RNF144A: variants seen among roughly 807,000 people sequenced by gnomAD.
The protein encoded by RNF144A is ring finger protein 144A, also known as E3 ubiquitin-protein ligase RNF144A.
Under a neutral mutation model 38.7 loss-of-function variants are expected in RNF144A, and 11 were observed. The ratio of observed to expected loss-of-function variants is 0.28; its 90% CI spans 0.18 to 0.47. The LOEUF (loss-of-function observed/expected upper bound fraction) is 0.47. Among genes scored for constraint, RNF144A ranks in the 20% least tolerant of loss-of-function variants. The probability of loss-of-function intolerance (pLI) is 0.99; values close to 1 mark genes in which losing one functional copy is unlikely to be tolerated. For synonymous variants in RNF144A, 149 were observed against 143.9 expected (o/e 1.04, Z -0.25); for missense variants, 316 against 377.2 (o/e 0.84, Z 1.34).
chr2:7,061,879 A>T (rs1188305732), intron 6 of RNF144A, among the ~76,000 whole-genome samples: 1 of 152,252 alleles, frequency 6.6e-6, no homozygotes, highest in Admixed American at 6.5e-5. Context: ...TGTAAATAAT[A>T]TATGAGAGCA....
chr2:7,046,036 T>G (rs1673296184), downstream of RNF144A, among the ~76,000 whole-genome samples: 1 of 152,218 alleles, frequency 6.6e-6, no homozygotes, highest in Non-Finnish European at 1.5e-5. Flanking sequence ...TTATCAACTC[T>G]TAGAGGAACC....
intron 7 of RNF144A, among the ~76,000 whole-genome samples, chr2:7,029,065 A>G (rs391109): frequency 0.68 from 103,406 of 152,008 alleles, 36,049 homozygotes; most frequent in South Asian, 0.88. Context: ...ATTGAAAGGA[A>G]CAGAAGGCCA....
At chr2:6,994,013 G>A (rs771272) in intron 2 of RNF144A, among the ~76,000 whole-genome samples, 83,234 of 152,082 alleles carry the variant, frequency 0.55, 23,766 homozygotes, top group East Asian at 0.71. Context: ...AACAAAAATT[G>A]AGTTCACAGA....
At chr2:7,029,892 C>T (rs897635498) in intron 7 of RNF144A, among the ~76,000 whole-genome samples, 5 of 152,220 alleles carry the variant, frequency 3.3e-5, no homozygotes, top group South Asian at 2.1e-4. Flanking sequence ...CTCTAGAGCC[C>T]GAGGCTGTGC....
At chr2:6,938,982 A>T (rs1006898362) in intron 1 of RNF144A, among the ~76,000 whole-genome samples, 1 of 151,842 alleles carries the variant, frequency 6.6e-6, no homozygotes, top group South Asian at 2.1e-4. Flanking sequence ...GACATTCACT[A>T]GTTGATGGAC....
downstream of RNF144A, chr2:7,044,265 A>AT: frequency 1.2e-6 from 1 of 849,442 alleles, no homozygotes; most frequent in Non-Finnish European, 1.4e-6. Flanking sequence ...TTCAATATTT[A>AT]ATCTATTGAA....
At chr2:7,045,521 G>A (rs971690469), downstream of RNF144A, among the ~76,000 whole-genome samples, 3 of 152,140 alleles carry the variant, frequency 2.0e-5, no homozygotes, top group East Asian at 1.9e-4. Flanking sequence ...AGGTTCCCAC[G>A]GCGTTCTCCC....
rs1667398511 is a variant in RNF144A at position 6,962,342 on chromosome 2, T to C, written c.-12+21195T>C. On this transcript the variant is annotated intron_variant, in intron 2 of 8. Transcript: ENST00000320892. This position sits in a 1 kb window ranked among gnomAD's most constrained non-coding sequence, Gnocchi z 4.1. ...GAAGATGGAGCCTCCATGTTGGACA[T>C]GCCCGGCCCCCAGGTCACCCTTTTC... Among the ~76,000 whole-genome samples, 1 of 152,222 alleles carries C rather than the reference T, an allele frequency of 6.6e-6. No homozygotes were observed. The highest frequency in any genetic ancestry group is 2.4e-5 in the African/African-American group (1 of 41,458).
chr2:6,988,823 T>C (rs1469205042), intron 2 of RNF144A, among the ~76,000 whole-genome samples: 1 of 152,246 alleles, frequency 6.6e-6, no homozygotes, highest in Non-Finnish European at 1.5e-5. Context: ...TGTGGAATTT[T>C]TCTGCATGAG....
intron 6 of RNF144A, among the ~76,000 whole-genome samples, chr2:7,065,808 A>G (rs1382663460): frequency 6.6e-6 from 1 of 152,254 alleles, no homozygotes; most frequent in Non-Finnish European, 1.5e-5. Context: ...TTCTTCTTCA[A>G]AGATATTCAT....
chr2:7,013,272 A>G (rs543698794), intron 3 of RNF144A, among the ~76,000 whole-genome samples: 1 of 152,312 alleles, frequency 6.6e-6, no homozygotes, highest in African/African-American at 2.4e-5. Context: ...GAAAATAAGG[A>G]TGGTAGAGAG....
chr2:6,956,458 T>C (rs923304095), intron 2 of RNF144A, among the ~76,000 whole-genome samples: 7 of 152,180 alleles, frequency 4.6e-5, no homozygotes, highest in Non-Finnish European at 5.9e-5. Context: ...TTTCTGTAGG[T>C]TGTTGCATAG....
At chr2:6,990,089 G>A (rs767491905) in intron 2 of RNF144A, among the ~76,000 whole-genome samples, 2 of 152,102 alleles carry the variant, frequency 1.3e-5, no homozygotes, top group African/African-American at 4.8e-5. Context: ...GTCAGTTGGG[G>A]CTGCTGTAAC....
At chr2:6,938,612 T>G (rs917929552) in intron 1 of RNF144A, among the ~76,000 whole-genome samples, 1 of 152,210 alleles carries the variant, frequency 6.6e-6, no homozygotes, top group Admixed American at 6.5e-5. Flanking sequence ...GTCATCGTTT[T>G]AAAGTACACC....
chr2:6,990,318 G>A (rs1298621064), intron 2 of RNF144A, among the ~76,000 whole-genome samples: 1 of 149,474 alleles, frequency 6.7e-6, no homozygotes, highest in Non-Finnish European at 1.5e-5. Context: ...TTGGATTACG[G>A]TCCCACCCTT....
At chr2:7,045,311 A>T (rs921464183), downstream of RNF144A, among the ~76,000 whole-genome samples, 1 of 152,060 alleles carries the variant, frequency 6.6e-6, no homozygotes, top group African/African-American at 2.4e-5. Flanking sequence ...GTCACAAAGG[A>T]CCACACACCA....
chr2:6,966,577 C>T (rs538794861), intron 2 of RNF144A, among the ~76,000 whole-genome samples: 1 of 152,270 alleles, frequency 6.6e-6, no homozygotes, highest in South Asian at 2.1e-4. Flanking sequence ...TAAAGCAGCC[C>T]ACTATAAAAA....
chr2:7,024,076 G>A (rs999551109), intron 6 of RNF144A, among the ~76,000 whole-genome samples: 5 of 152,020 alleles, frequency 3.3e-5, no homozygotes, highest in African/African-American at 9.7e-5. Flanking sequence ...TAAGCCTTTC[G>A]CTGTATTTTC....
intron 1 of RNF144A, among the ~76,000 whole-genome samples, chr2:6,935,132 C>G (rs1456473696): frequency 1.3e-5 from 2 of 152,154 alleles, no homozygotes; most frequent in Admixed American, 1.3e-4. Context: ...ACAGATAACC[C>G]CTCCTTTTGT....
Sources: allele counts gnomAD v4.1 joint callset (sites outside exome capture counted in the v4.1 genomes callset), GRCh38; gene constraint gnomAD v4.1.1; non-coding constraint Gnocchi (gnomAD v3.1); transcripts MANE v1.5; gene names NCBI Gene and HGNC (gene_info 2026-07-23, HGNC 2026-07-21).